The following ANO3 variants were observed in gnomAD, a reference collection of about 807,000 sequenced individuals.
The protein encoded by ANO3 is anoctamin-3.
Under a neutral mutation model 144.8 loss-of-function variants are expected in ANO3, and 99 were observed. That is an observed-to-expected ratio of 0.68 (90% CI 0.58 to 0.81). The LOEUF (loss-of-function observed/expected upper bound fraction) is 0.81. Among genes scored for constraint, ANO3 ranks in the 30% least tolerant of loss-of-function variants. The pLI is 0.00. For missense variants in ANO3, 905 were observed against 1,202.2 expected (o/e 0.75, Z 3.66); for synonymous variants, 414 against 392.6 (o/e 1.05, Z -0.64).
intron 1 of ANO3, among the ~76,000 whole-genome samples, chr11:26,233,341 A>G (rs1852445228): frequency 6.6e-6 from 1 of 152,242 alleles, no homozygotes; most frequent in African/African-American, 2.4e-5. Flanking sequence ...ACATGAAAAA[A>G]AGTTCATCAT....
intron 17 of ANO3, among the ~76,000 whole-genome samples, chr11:26,605,099 A>G (rs1044220191): frequency 1.3e-5 from 2 of 152,082 alleles, no homozygotes; most frequent in Non-Finnish European, 2.9e-5. Flanking sequence ...ATCAGTACCT[A>G]TTTTATTGAG....
intron 1 of ANO3, among the ~76,000 whole-genome samples, chr11:26,248,968 C>T (rs1355175683): frequency 2.0e-5 from 3 of 152,138 alleles, no homozygotes; most frequent in African/African-American, 7.2e-5. Context: ...GAATCTAGTG[C>T]CTCTGAAACC....
At chr11:26,632,237 C>T (rs1159370211) in intron 18 of ANO3, among the ~76,000 whole-genome samples, 1 of 145,654 alleles carries the variant, frequency 6.9e-6, no homozygotes, top group Admixed American at 7.0e-5. Flanking sequence ...TCATATCTGA[C>T]ATCCTTCTTT....
intron 1 of ANO3, among the ~76,000 whole-genome samples, chr11:26,355,717 G>A (rs1337102132): frequency 2.6e-5 from 4 of 151,922 alleles, no homozygotes; most frequent in East Asian, 1.9e-4. Flanking sequence ...CCCCCACCAC[G>A]CCTGGCTAAT....
At chr11:26,313,345 A>C (rs1158584210) in intron 1 of ANO3, among the ~76,000 whole-genome samples, 1 of 152,200 alleles carries the variant, frequency 6.6e-6, no homozygotes, top group East Asian at 1.9e-4. Context: ...ATATTAAATT[A>C]GGTGCAGTAA....
At chr11:26,253,448 T>C (rs1284623606) in intron 1 of ANO3, among the ~76,000 whole-genome samples, 1 of 151,722 alleles carries the variant, frequency 6.6e-6, no homozygotes, top group Non-Finnish European at 1.5e-5. Flanking sequence ...AAATAACTAA[T>C]GGTTACTAGG....
chr11:26,497,975 A>G (rs549796694), intron 4 of ANO3, among the ~76,000 whole-genome samples: 2 of 152,098 alleles, frequency 1.3e-5, no homozygotes, highest in East Asian at 1.9e-4. Context: ...CAGAATAACT[A>G]CAGATTGGGT....
chr11:26,547,506 C>T lies in ANO3; in HGVS notation c.1245C>T (p.Cys415=), dbSNP rs201539223. Residue 415 remains cysteine (C), a synonymous_variant, in exon 12 of 27, where the codon TGC becomes TGT. Transcript: ENST00000256737. ...MLIPAAIVGL[C]VFFYGLFTMN... is the part of the protein sequence containing the mutation. ...TTCCTGCAGCAATTGTTGGTTTGTG[C>T]GTTTTCTTCTATGGATTATTTACAA... is the stretch of plus-strand genomic sequence containing the variant. 32 of 1,611,620 alleles carry T rather than the reference C, an allele frequency of 2.0e-5. No individual in the cohort carries two copies. The East Asian group carries it at 2.5e-4, about 12-fold the overall frequency.
chr11:26,393,387 C>T lies in ANO3; in HGVS notation c.47-48531C>T, dbSNP rs1856929995. 2.0e-5 allele frequency among the ~76,000 whole-genome samples: 3 copies of T among 152,050 alleles called. No individual in the cohort carries two copies. In the South Asian group the frequency reaches 6.2e-4, roughly 31 times the overall value. ...TCAAAGAAGCATGAACACAACAACA[C>T]TGCAGCATGCCCTCTATTGGAAAGG... On this transcript the variant is annotated intron_variant, in intron 1 of 26. Coordinates refer to ENST00000256737, the MANE Select transcript of ANO3 (RefSeq NM_031418.4).
intron 1 of ANO3, among the ~76,000 whole-genome samples, chr11:26,223,236 G>T (rs768242625): frequency 2.0e-5 from 3 of 152,006 alleles, no homozygotes; most frequent in Admixed American, 6.5e-5. Context: ...ACCCTGAGTC[G>T]TCATTATTAT....
intron 17 of ANO3, among the ~76,000 whole-genome samples, chr11:26,609,325 T>G (rs888606182): frequency 3.9e-4 from 30 of 77,466 alleles, no homozygotes; most frequent in African/African-American, 1.2e-3. Flanking sequence ...CACATGCTAT[T>G]CACATGCAGG....
chr11:26,468,922 G>T lies in ANO3; in HGVS notation c.432+5774G>T, dbSNP rs1482143055. Among the ~76,000 whole-genome samples, 3 of 151,978 alleles carry T rather than the reference G, an allele frequency of 2.0e-5. No homozygotes were observed. The East Asian group carries it at 5.8e-4, about 30-fold the overall frequency. ...AGTAACCTTTTATTTATATTATTAA[G>T]TGGTATCCTAAATATTTAATTTTCA... On this transcript the variant is annotated intron_variant, in intron 4 of 26. Coordinates refer to ENST00000256737, the MANE Select transcript of ANO3 (RefSeq NM_031418.4).
chr11:26,627,343 C>T (rs928697446), intron 18 of ANO3, among the ~76,000 whole-genome samples: 5 of 151,748 alleles, frequency 3.3e-5, no homozygotes, highest in Non-Finnish European at 5.9e-5. Context: ...CCTCCCTCTG[C>T]TTGTCCTTCT....
chr11:26,237,688 A>C (rs1267241733), intron 1 of ANO3, among the ~76,000 whole-genome samples: 7 of 152,064 alleles, frequency 4.6e-5, no homozygotes, highest in Non-Finnish European at 8.8e-5. Context: ...TGACTCTTTC[A>C]GGGTAGGTAA....
At position 26,635,014 on chromosome 11, in the gene ANO3, T is replaced by G; in HGVS notation, c.1987T>G (p.Phe663Val). ...IFYIAFFLGR[F>V]VGHPGKYNKL... ...ATGAACTAAAATGTCTTCTTACAGATTCGTAGGCCACCCAGGAAAATACAA... is the reference window on the plus strand; with the variant it reads ...ATGAACTAAAATGTCTTCTTACAGAGTCGTAGGCCACCCAGGAAAATACAA... The change falls in exon 20 of 27, where the codon TTC (phenylalanine) becomes GTC (valine). Residue 663 changes from phenylalanine (F) to valine (V), a missense_variant and splice_region_variant. By Grantham distance (50) the Phe-to-Val change is conservative. Coordinates refer to ENST00000256737, the MANE Select transcript of ANO3 (RefSeq NM_031418.4). 1 of 1,613,006 alleles carries G rather than the reference T, an allele frequency of 6.2e-7. No homozygotes were observed. The highest frequency in any genetic ancestry group is 8.5e-7 in the Non-Finnish European group (1 of 1,179,136).
At chr11:26,588,868 A>G (rs369092465) in intron 14 of ANO3, among the ~76,000 whole-genome samples, 1 of 152,148 alleles carries the variant, frequency 6.6e-6, no homozygotes, top group Non-Finnish European at 1.5e-5. Context: ...TAAGTTTTAA[A>G]TGTTTCATTT....
chr11:26,378,874 A>G (rs1271045931), intron 1 of ANO3, among the ~76,000 whole-genome samples: 4 of 148,582 alleles, frequency 2.7e-5, no homozygotes, highest in African/African-American at 7.6e-5. Flanking sequence ...TTGTATCATT[A>G]TAAGTCTTTA....
intron 1 of ANO3, chr11:26,285,808 T>C (rs891908173): frequency 6.6e-6 from 1 of 152,128 alleles, no homozygotes; most frequent in Non-Finnish European, 1.5e-5. Flanking sequence ...ATGAAATGCA[T>C]TAGGACAGAA....
At chr11:26,519,289 C>T (rs1236643527) in intron 6 of ANO3, among the ~76,000 whole-genome samples, 1 of 152,146 alleles carries the variant, frequency 6.6e-6, no homozygotes, top group African/African-American at 2.4e-5. Flanking sequence ...TTCCACCTGC[C>T]TCCTCTAGAC....
Sources: gnomAD v4.1 joint callset for allele counts (sites outside exome capture counted in the v4.1 genomes callset) on GRCh38, gnomAD v4.1.1 for gene constraint, MANE v1.5 for transcripts, NCBI Gene and HGNC (gene_info 2026-07-23, HGNC 2026-07-21) for gene names.